PRKG1: variants seen among roughly 807,000 people sequenced by gnomAD.
PRKG1 encodes cGMP-dependent protein kinase 1.
A neutral mutation model predicts 88.1 loss-of-function variants in PRKG1; 35 were observed. The observed-to-expected ratio is 0.40, with a 90% CI of 0.30 to 0.53. The LOEUF (loss-of-function observed/expected upper bound fraction) is 0.53. Among genes scored for constraint, PRKG1 ranks in the 20% least tolerant of loss-of-function variants. The pLI is 0.59. For missense variants in PRKG1, 540 were observed against 839.8 expected (o/e 0.64, Z 4.41); for synonymous variants, 303 against 292.5 (o/e 1.04, Z -0.37).
chr10:52,277,740 C>G (rs536906447), intron 12 of PRKG1, among the ~76,000 whole-genome samples: 2 of 152,264 alleles, frequency 1.3e-5, no homozygotes, highest in African/African-American at 2.4e-5. Flanking sequence ...TTCCATCTTT[C>G]TGCTAATGAC....
rs1384763786 is a variant in PRKG1 at position 51,506,200 on chromosome 10, TC to T, written c.592+38366del. Among the ~76,000 whole-genome samples, 6 of 152,156 alleles carry T rather than the reference TC, an allele frequency of 3.9e-5. No homozygotes were observed. In the South Asian group the frequency reaches 1.2e-3, roughly 32 times the overall value. ...AATGTTAGACCTAAAACCATGAAAA[TC>T]CTAGAAGAAAACTTAGGCAATACCA... On this transcript the variant is annotated intron_variant, in intron 3 of 17. Coordinates refer to ENST00000373980, the MANE Select transcript of PRKG1 (RefSeq NM_006258.4).
chr10:51,610,259 T>C (rs1371841530), intron 3 of PRKG1, among the ~76,000 whole-genome samples: 1 of 152,126 alleles, frequency 6.6e-6, no homozygotes, highest in Non-Finnish European at 1.5e-5. Flanking sequence ...TTTGTACCCA[T>C]TAACTAACCT....
At chr10:51,763,672 G>A (rs936432384) in intron 3 of PRKG1, among the ~76,000 whole-genome samples, 2 of 151,258 alleles carry the variant, frequency 1.3e-5, no homozygotes, top group African/African-American at 4.9e-5. Context: ...AGTACCACCT[G>A]GATAATGCTA....
chr10:51,639,052 A>AT (rs899440654), intron 3 of PRKG1, among the ~76,000 whole-genome samples: 6 of 151,436 alleles, frequency 4.0e-5, no homozygotes, highest in Middle Eastern at 3.4e-3. Flanking sequence ...ATTGCTTTGG[A>AT]TTTTTTTTTC....
chr10:51,253,177 G>T lies in PRKG1; in HGVS notation c.478+99847G>T, dbSNP rs1440833075. Among the ~76,000 whole-genome samples, 4 of 151,828 alleles carry T rather than the reference G, an allele frequency of 2.6e-5. No individual in the cohort carries two copies. In the East Asian group the frequency reaches 7.7e-4, roughly 29 times the overall value. On this transcript the variant is annotated intron_variant, in intron 2 of 17. Coordinates refer to ENST00000373980, the MANE Select transcript of PRKG1 (RefSeq NM_006258.4). ...TGAAAGTATTCTCATTTAGATTTGT[G>T]CAGGAAACAGCATTATATTGCTAAT...
chr10:52,066,376 G>A (rs1846354735), intron 7 of PRKG1, among the ~76,000 whole-genome samples: 1 of 152,134 alleles, frequency 6.6e-6, no homozygotes, highest in African/African-American at 2.4e-5. Flanking sequence ...ATGAAAAGAA[G>A]TCCCAAATAT....
rs550968201 is a variant in PRKG1, at chr10:52,234,446, T to C, written c.1077-17124T>C. Among the ~76,000 whole-genome samples, 6 of 151,526 alleles carry C rather than the reference T, an allele frequency of 4.0e-5. No homozygotes were observed. In the South Asian group the frequency reaches 1.0e-3, roughly 26 times the overall value. On this transcript the variant is annotated intron_variant, in intron 9 of 17. Transcript: ENST00000373980. ...AATTTAGAAGCATGTATAACTAGAA[T>C]AACCAATACAGAGAAGTGCTTAAAG...
chr10:51,248,394 TTAA>T (rs1463232885), intron 2 of PRKG1, among the ~76,000 whole-genome samples: 2 of 151,874 alleles, frequency 1.3e-5, no homozygotes, highest in African/African-American at 4.8e-5. Flanking sequence ...CATATTATTA[TTAA>T]TGTTTTATTA....
At chr10:51,413,621 G>T (rs948054598) in intron 2 of PRKG1, among the ~76,000 whole-genome samples, 1 of 151,934 alleles carries the variant, frequency 6.6e-6, no homozygotes, top group Non-Finnish European at 1.5e-5. Flanking sequence ...TGCCTCCCAA[G>T]GTGCTGGGAT....
chr10:51,839,000 C>G (rs1840200625), intron 4 of PRKG1, among the ~76,000 whole-genome samples: 1 of 152,086 alleles, frequency 6.6e-6, no homozygotes, highest in South Asian at 2.1e-4. Flanking sequence ...ATTCAAGAAA[C>G]TGACTGTAAT....
At chr10:52,141,400 G>A (rs1424026950) in intron 8 of PRKG1, among the ~76,000 whole-genome samples, 2 of 152,084 alleles carry the variant, frequency 1.3e-5, no homozygotes, top group Admixed American at 6.6e-5. Context: ...AATGGTAATA[G>A]ACATTCATCC....
chr10:52,084,186 T>C (rs534168846), intron 7 of PRKG1, among the ~76,000 whole-genome samples: 1 of 152,112 alleles, frequency 6.6e-6, no homozygotes, highest in Non-Finnish European at 1.5e-5. Context: ...TAGGGTCTGG[T>C]TTTTAAAAAG....
intron 4 of PRKG1, among the ~76,000 whole-genome samples, chr10:51,882,182 A>T (rs994104238): frequency 1.3e-5 from 2 of 152,226 alleles, no homozygotes; most frequent in African/African-American, 2.4e-5. Flanking sequence ...GGAGCTCATT[A>T]GCCCTAACTC....
intron 3 of PRKG1, among the ~76,000 whole-genome samples, chr10:51,536,892 C>T (rs1842169665): frequency 1.3e-5 from 2 of 149,116 alleles, no homozygotes; most frequent in Non-Finnish European, 3.0e-5. Context: ...TGAGTGAGAA[C>T]ATGCGGTGTT....
Position 51,698,547 on chromosome 10 carries a change from T to C in PRKG1, c.593-106038T>C, listed in dbSNP as rs577195954. The C allele has an allele frequency of 5.0e-6, 8 of 1,614,030 alleles. No individual in the cohort carries two copies. The African/African-American group carries it at 6.7e-5, about 13-fold the overall frequency. ...AGCAAAGTCCCTCCACGTGGGTCAT[T>C]TGGAGCATCTCCTAACAGTCCTCGA... is the stretch of plus-strand genomic sequence containing the variant. On this transcript the variant is annotated intron_variant, in intron 3 of 17. Transcript: ENST00000373980.
chr10:51,082,598 TTG>T (rs1419849467), intron 1 of PRKG1, among the ~76,000 whole-genome samples: 1 of 151,998 alleles, frequency 6.6e-6, no homozygotes, highest in African/African-American at 2.4e-5. Context: ...TGTGTGTTTG[TTG>T]TGTGTGTACA....
intron 3 of PRKG1, among the ~76,000 whole-genome samples, chr10:51,735,549 C>T (rs563899914): frequency 1.8e-4 from 26 of 146,816 alleles, no homozygotes; most frequent in African/African-American, 6.2e-4. Flanking sequence ...AAGAAATATA[C>T]AGGCATTCCT....
intron 2 of PRKG1, among the ~76,000 whole-genome samples, chr10:51,233,255 T>G (rs1249128439): frequency 1.3e-5 from 2 of 152,196 alleles, no homozygotes; most frequent in Non-Finnish European, 2.9e-5. Context: ...AATAACCATC[T>G]GTTTACCTAA....
rs183642628 is a variant in PRKG1 at position 52,261,440 on chromosome 10, C to G, written c.1173+9774C>G. 2.0e-5 allele frequency among the ~76,000 whole-genome samples: 3 copies of G among 151,968 alleles called. No homozygotes were observed. In the East Asian group the frequency reaches 5.8e-4, roughly 29 times the overall value. ...ATAAGCTACTTTTCTATCCTCCTTT[C>G]TTTTCAAAATGTTATACCTGACTCT... On this transcript the variant is annotated intron_variant, in intron 10 of 17. Coordinates refer to ENST00000373980, the MANE Select transcript of PRKG1 (RefSeq NM_006258.4).
Sources: gnomAD v4.1 joint callset for allele counts (sites outside exome capture counted in the v4.1 genomes callset) on GRCh38, gnomAD v4.1.1 for gene constraint, MANE v1.5 for transcripts, NCBI Gene and HGNC (gene_info 2026-07-23, HGNC 2026-07-21) for gene names.